PODXL: variants seen among roughly 807,000 people sequenced by gnomAD.
PODXL encodes the protein podocalyxin like.
A neutral mutation model predicts 48.9 loss-of-function variants in PODXL; 20 were observed. The ratio of observed to expected loss-of-function variants is 0.41; its 90% CI spans 0.29 to 0.59. The LOEUF (loss-of-function observed/expected upper bound fraction) is 0.59. PODXL is among the 20% of genes least tolerant of loss of function. The probability of loss-of-function intolerance (pLI) is 0.31; values close to 1 mark genes in which losing one functional copy is unlikely to be tolerated. For synonymous variants in PODXL, 295 were observed against 287.4 expected, an observed-to-expected ratio of 1.03 and a Z score of -0.27; for missense variants, 606 against 675.1, an observed-to-expected ratio of 0.90 and a Z score of 1.13.
In PODXL at chr7:131,505,938, G is replaced by A. The variant is rs1213648617; in HGVS notation, c.1409C>T (p.Ala470Val). Reference sequence around the variant, plus strand: ...GGCCGCCACGAGGAGCAGGAATGATGCCATGCAGACGATGGTGATGATGAG... The same window carrying A: ...GGCCGCCACGAGGAGCAGGAATGATACCATGCAGACGATGGTGATGATGAG... ...MPLIITIVCM[A>V]SFLLLVAALY... Residue 470 changes from alanine (A) to valine (V), a missense_variant, in exon 8 of 9, where the codon GCA becomes GTA. Transcript: ENST00000378555. The A allele has an allele frequency of 6.2e-7, 1 of 1,603,038 alleles. No homozygotes were observed. Among genetic ancestry groups the A allele is most frequent in the South Asian group, 1.1e-5 (1 of 88,636 alleles).
chr7:131,537,567 T>G (rs1489755022), intron 1 of PODXL, among the ~76,000 whole-genome samples: 1 of 150,634 alleles, frequency 6.6e-6, no homozygotes, highest in Non-Finnish European at 1.5e-5. Flanking sequence ...CATTCCAGCC[T>G]GGGCATGGAA....
At position 131,510,871 on chromosome 7, in the gene PODXL, G is replaced by T; in HGVS notation, c.663C>A (p.Ile221=). 1 of 1,614,122 alleles carries T rather than the reference G, an allele frequency of 6.2e-7. No individual in the cohort carries two copies. The highest frequency in any genetic ancestry group is 1.1e-5 in the South Asian group (1 of 91,080). ...KISSSSSTVA[I]PGYTFTSPGM... ...CCGGGCTTGTGAAGGTGTAGCCAGG[G>T]ATAGCCACAGTGCTTGAACTGCTTG... is the stretch of plus-strand genomic sequence containing the variant. Residue 221 remains isoleucine (I), a synonymous_variant, in exon 2 of 9, where the codon ATC becomes ATA. Transcript: ENST00000378555.
chr7:131,514,286 C>T (rs570926026), intron 1 of PODXL, among the ~76,000 whole-genome samples: 1 of 152,172 alleles, frequency 6.6e-6, no homozygotes, highest in Admixed American at 6.5e-5. Context: ...TGGTGGCGGG[C>T]ACCTGTAATC....
At chr7:131,536,064 G>A (rs1798369631) in intron 1 of PODXL, among the ~76,000 whole-genome samples, 1 of 152,092 alleles carries the variant, frequency 6.6e-6, no homozygotes, top group South Asian at 2.1e-4. Flanking sequence ...GGCCAAAGAG[G>A]ACTATGTTTT....
intron 1 of PODXL, among the ~76,000 whole-genome samples, chr7:131,511,771 G>A (rs1797918184): frequency 6.6e-6 from 1 of 152,128 alleles, no homozygotes. Flanking sequence ...CCTCTAAGAG[G>A]GCAGCTTGGA....
intron 1 of PODXL, among the ~76,000 whole-genome samples, chr7:131,542,571 C>T (rs887909273): frequency 5.7e-4 from 87 of 152,228 alleles, no homozygotes; most frequent in African/African-American, 2.0e-3. Flanking sequence ...GCAGGAGGAT[C>T]GCTTCAGCCT....
chr7:131,504,055 T>G lies in PODXL; in HGVS notation c.*256A>C, dbSNP rs1409578402. ...TAGTTCATCTATAAAGTCCCTTACG[T>G]GGCTTTTTCTTGATCTCCCTCATCA... On this transcript the variant is annotated 3_prime_UTR_variant, in exon 9 of 9. Coordinates refer to ENST00000378555, the MANE Select transcript of PODXL (RefSeq NM_001018111.3). 1.9e-6 allele frequency: 1 copy of G among 539,866 alleles called. No homozygotes were observed. The highest frequency in any genetic ancestry group is 3.3e-6 in the Non-Finnish European group (1 of 301,006). 33.4% of individuals were successfully genotyped at this position (539,866 alleles called of 1,614,324 possible).
intron 1 of PODXL, among the ~76,000 whole-genome samples, chr7:131,547,622 C>A (rs570359877): frequency 1.3e-5 from 2 of 152,300 alleles, no homozygotes; most frequent in East Asian, 3.9e-4. Flanking sequence ...TTTTTCTTCT[C>A]TTCACCATCA....
At chr7:131,509,860 G>A (rs1422844539) in intron 3 of PODXL, among the ~76,000 whole-genome samples, 2 of 152,156 alleles carry the variant, frequency 1.3e-5, no homozygotes, top group Admixed American at 6.5e-5. Flanking sequence ...GGAAGGAATC[G>A]GCATCATCCC....
intron 1 of PODXL, among the ~76,000 whole-genome samples, chr7:131,536,694 G>C (rs1425844308): frequency 6.6e-6 from 1 of 152,204 alleles, no homozygotes; most frequent in African/African-American, 2.4e-5. Flanking sequence ...CCTGTCTGGA[G>C]CCTGGTGTTT....
chr7:131,518,086 T>TC (rs1798031187), intron 1 of PODXL, among the ~76,000 whole-genome samples: 2 of 152,096 alleles, frequency 1.3e-5, no homozygotes, highest in Non-Finnish European at 2.9e-5. Context: ...TTTAGAGCCC[T>TC]CCCTAATCCA....
At chr7:131,515,829 C>A (rs928282487) in intron 1 of PODXL, among the ~76,000 whole-genome samples, 2 of 152,170 alleles carry the variant, frequency 1.3e-5, no homozygotes, top group African/African-American at 2.4e-5. Flanking sequence ...TCCTCAATAA[C>A]CTCACTTCAG....
At chr7:131,522,080 T>A (rs1306143962) in intron 1 of PODXL, among the ~76,000 whole-genome samples, 1 of 152,220 alleles carries the variant, frequency 6.6e-6, no homozygotes. Context: ...TCCCAGGGCC[T>A]GAGTGAGACT....
intron 8 of PODXL, among the ~76,000 whole-genome samples, 171 bp downstream of exon 8, chr7:131,505,697 C>T (rs551977527): frequency 8.6e-4 from 131 of 152,344 alleles, no homozygotes; most frequent in Non-Finnish European, 6.0e-4. Context: ...GCCACGCTGC[C>T]TCTGTAATGC....
intron 1 of PODXL, among the ~76,000 whole-genome samples, chr7:131,548,726 C>G (rs1256779773): frequency 6.6e-6 from 1 of 152,184 alleles, no homozygotes; most frequent in Non-Finnish European, 1.5e-5. Flanking sequence ...AACACAAGCC[C>G]CAATCCTCAG....
intron 1 of PODXL, among the ~76,000 whole-genome samples, chr7:131,517,682 T>G (rs1338162836): frequency 7.9e-6 from 1 of 127,360 alleles, no homozygotes; most frequent in Non-Finnish European, 1.7e-5. Flanking sequence ...GGCTACTCCT[T>G]GGCTTGTAGC....
chr7:131,540,622 A>G (rs1798461237), intron 1 of PODXL, among the ~76,000 whole-genome samples: 1 of 152,206 alleles, frequency 6.6e-6, no homozygotes, highest in Admixed American at 6.5e-5. Flanking sequence ...GACATTTGGC[A>G]CACAACTCTT....
intron 1 of PODXL, among the ~76,000 whole-genome samples, chr7:131,537,728 C>T (rs1237458708): frequency 6.6e-6 from 1 of 152,094 alleles, no homozygotes; most frequent in Non-Finnish European, 1.5e-5. Context: ...TGCCTGTGTT[C>T]CTCTCCATCC....
chr7:131,524,347 A>AACACACAC (rs1222175582), intron 1 of PODXL, among the ~76,000 whole-genome samples: 1 of 59,184 alleles, frequency 1.7e-5, no homozygotes, highest in African/African-American at 4.3e-5. Flanking sequence ...TTCAATAGGA[A>AACACACAC]ACACACACAC....
Sources: allele counts gnomAD v4.1 joint callset (sites outside exome capture counted in the v4.1 genomes callset), GRCh38; gene constraint gnomAD v4.1.1; transcripts MANE v1.5; gene names NCBI Gene and HGNC (gene_info 2026-07-23, HGNC 2026-07-21).